Variants in XPO6 observed in about 807,000 individuals in gnomAD.
The protein encoded by XPO6 is exportin 6.
Under a neutral mutation model 130.0 loss-of-function variants are expected in XPO6, and 3 were observed. The observed-to-expected ratio is 0.02, with a 90% CI of 0.01 to 0.06. The LOEUF (loss-of-function observed/expected upper bound fraction) is 0.06. Among genes scored for constraint, XPO6 ranks in the 10% least tolerant of loss-of-function variants. The pLI, the probability that XPO6 is intolerant of heterozygous loss-of-function variation, is 1.00. For synonymous variants in XPO6, 524 were observed against 548.9 expected, an observed-to-expected ratio of 0.95 and a Z score of 0.63; for missense variants, 970 against 1,393.0, an observed-to-expected ratio of 0.70 and a Z score of 4.83.
At chr16:28,135,136 G>T (rs2042750196) in intron 10 of XPO6, 80 bp downstream of exon 10, 5 of 1,158,812 alleles carry the variant, frequency 4.3e-6, no homozygotes, top group Non-Finnish European at 6.4e-6. Flanking sequence ...CGGAGCAGAG[G>T]GCTCTGGGTT....
At chr16:28,170,104 G>A (rs113866455) in intron 4 of XPO6, among the ~76,000 whole-genome samples, 195 bp from the exon 5 acceptor site, 4 of 152,024 alleles carry the variant, frequency 2.6e-5, no homozygotes, top group East Asian at 1.9e-4. Context: ...TGGCTGAGAC[G>A]GGCGGATCAC....
At chr16:28,115,482 C>T (rs902570633) in intron 15 of XPO6, among the ~76,000 whole-genome samples, 2 of 152,184 alleles carry the variant, frequency 1.3e-5, no homozygotes, top group Non-Finnish European at 2.9e-5. Flanking sequence ...CTGAGCAGGT[C>T]TCCATAATGA....
At chr16:28,107,313 T>A (rs1417450757) in intron 18 of XPO6, among the ~76,000 whole-genome samples, 1 of 152,182 alleles carries the variant, frequency 6.6e-6, no homozygotes, top group Non-Finnish European at 1.5e-5. Context: ...CCAAGGCCCA[T>A]ATGGAGAGCT....
At chr16:28,125,530 G>A (rs1313385179) in intron 13 of XPO6, among the ~76,000 whole-genome samples, 159 bp downstream of exon 13, 2 of 152,202 alleles carry the variant, frequency 1.3e-5, no homozygotes, top group Non-Finnish European at 2.9e-5. Flanking sequence ...GAAGTTCAGA[G>A]AGGTTAAGTA....
chr16:28,137,827 A>G (rs1378568387), intron 9 of XPO6, among the ~76,000 whole-genome samples: 1 of 152,078 alleles, frequency 6.6e-6, no homozygotes, highest in Non-Finnish European at 1.5e-5. Flanking sequence ...CCAGGCACTG[A>G]GCATAGTACC....
rs1404204376 is a variant in XPO6 at position 28,107,507 on chromosome 16, T to C, written c.2497+15A>G. Reference sequence around the variant, plus strand: ...TAGCACCACCCACCAGTGGGGCCTCTGGGCCAGCTCCTACCTGACTGATGG... The same window carrying C: ...TAGCACCACCCACCAGTGGGGCCTCCGGGCCAGCTCCTACCTGACTGATGG... On this transcript the variant is annotated intron_variant, in intron 18 of 23. Coordinates refer to ENST00000304658, the MANE Select transcript of XPO6 (RefSeq NM_015171.4). The C allele has an allele frequency of 1.2e-6, 2 of 1,613,662 alleles. No individual in the cohort carries two copies. Among genetic ancestry groups the C allele is most frequent in the African/African-American group, 2.7e-5 (2 of 74,926 alleles).
At chr16:28,123,700 G>T (rs2087312043) in intron 13 of XPO6, among the ~76,000 whole-genome samples, 2 of 152,182 alleles carry the variant, frequency 1.3e-5, no homozygotes, top group Admixed American at 6.5e-5. Flanking sequence ...GATCAGAACA[G>T]TTATTATCAG....
intron 9 of XPO6, among the ~76,000 whole-genome samples, chr16:28,138,094 A>AG (rs34270502): frequency 0.29 from 43,597 of 152,040 alleles, 6,368 homozygotes; most frequent in Middle Eastern, 0.33. Flanking sequence ...GAATGCCGGC[A>AG]GGGAAAAAGG....
intron 9 of XPO6, among the ~76,000 whole-genome samples, chr16:28,136,462 CACCTGCCTCG>C (rs2042778483): frequency 6.6e-6 from 1 of 152,162 alleles, no homozygotes; most frequent in South Asian, 2.1e-4. Context: ...TCAGATGATC[CACCTGCCTCG>C]ACCTCCCAAA....
chr16:28,190,222 T>TC (rs1567646325), intron 1 of XPO6, among the ~76,000 whole-genome samples: 2 of 147,960 alleles, frequency 1.4e-5, no homozygotes, highest in African/African-American at 5.3e-5. Context: ...TTTCTTTCTT[T>TC]ATTTTTTTTT....
intron 9 of XPO6, among the ~76,000 whole-genome samples, chr16:28,140,102 G>A (rs1326807424): frequency 1.3e-5 from 2 of 151,436 alleles, no homozygotes; most frequent in Non-Finnish European, 2.9e-5. Flanking sequence ...CGTGGTGGCG[G>A]GCACCTGTAA....
At chr16:28,196,704 G>T (rs769300216) in intron 1 of XPO6, among the ~76,000 whole-genome samples, 8 of 152,152 alleles carry the variant, frequency 5.3e-5, no homozygotes, top group Non-Finnish European at 1.0e-4. Context: ...GCCCTCCCTG[G>T]CAAGGAGTTC....
rs2043606686 is a variant in XPO6 at position 28,181,040 on chromosome 16, G to A, written c.4-9C>T. 4 of 1,601,826 alleles carry A rather than the reference G, an allele frequency of 2.5e-6. No individual in the cohort carries two copies. The highest frequency in any genetic ancestry group is 3.4e-6 in the Non-Finnish European group (4 of 1,174,878). The stretch of plus-strand genomic sequence containing the variant: ...GAGGCTTCTTCAGATGCCTAACAAA[G>A]GAATTTGAAAAAAAATCAATAAGCT... On this transcript the variant is annotated splice_polypyrimidine_tract_variant and intron_variant, in intron 1 of 23. Transcript: ENST00000304658.
At chr16:28,166,463 A>G (rs767411662) in intron 6 of XPO6, 45 bp downstream of exon 6, 17 of 1,548,792 alleles carry the variant, frequency 1.1e-5, no homozygotes, top group East Asian at 4.8e-5. Context: ...CTGGCCCCCA[A>G]TACATTTAAA....
chr16:28,159,058 C>A (rs2043229595), intron 6 of XPO6, among the ~76,000 whole-genome samples: 1 of 151,868 alleles, frequency 6.6e-6, no homozygotes, highest in African/African-American at 2.4e-5. Context: ...AGCGACACCC[C>A]GTCTCTACAA....
intron 2 of XPO6, among the ~76,000 whole-genome samples, chr16:28,180,148 CTT>C (rs1567641479): frequency 6.6e-6 from 1 of 152,186 alleles, no homozygotes; most frequent in African/African-American, 2.4e-5. Flanking sequence ...GGGCAGATCT[CTT>C]GAGGTCAGTT....
intron 14 of XPO6, among the ~76,000 whole-genome samples, chr16:28,119,004 G>A (rs245742): frequency 0.058 from 8,840 of 152,196 alleles, 643 homozygotes; most frequent in East Asian, 0.17. Flanking sequence ...ATATAGGCAG[G>A]TATCACTTTA....
Position 28,101,446 on chromosome 16 carries a change from T to C in XPO6, c.3276+12A>G, listed in dbSNP as rs775434620. 19 of 1,613,218 alleles carry C rather than the reference T, an allele frequency of 1.2e-5. No individual in the cohort carries two copies. The highest frequency in any genetic ancestry group is 3.3e-4 in the Middle Eastern group (2 of 6,058). ...CTGCCCTCCTCTTAGCCCGGCCTCT[T>C]TCTCTCCTCACCCGATCCATCTTGA... On this transcript the variant is annotated intron_variant, in intron 23 of 23. Transcript: ENST00000304658. This position sits in a 1 kb window ranked among gnomAD's most constrained non-coding sequence, Gnocchi z 5.4.
At chr16:28,156,873 C>T (rs187483059) in intron 6 of XPO6, among the ~76,000 whole-genome samples, 1 of 152,216 alleles carries the variant, frequency 6.6e-6, no homozygotes, top group East Asian at 1.9e-4. Context: ...GGCTGCAAAA[C>T]CCCAAATCCA....
Sources: gnomAD v4.1 joint callset for allele counts (sites outside exome capture counted in the v4.1 genomes callset) on GRCh38, gnomAD v4.1.1 for gene constraint, Gnocchi (gnomAD v3.1) non-coding constraint, MANE v1.5 for transcripts, NCBI Gene and HGNC (gene_info 2026-07-23, HGNC 2026-07-21) for gene names.